The following THSD1 variants were observed in gnomAD, a reference collection of about 807,000 sequenced individuals.
THSD1 encodes thrombospondin type-1 domain-containing protein 1.
THSD1 carries 34 observed loss-of-function variants against 46.3 expected under a neutral mutation model. The ratio of observed to expected loss-of-function variants is 0.74; its 90% CI spans 0.56 to 0.98. The LOEUF is 0.98. Among genes scored for constraint, THSD1 ranks in the 50% least tolerant of loss-of-function variants. The pLI, the probability that THSD1 is intolerant of heterozygous loss-of-function variation, is 0.00. For missense variants in THSD1, 1,023 were observed against 1,058.3 expected (o/e 0.97, Z 0.46); for synonymous variants, 407 against 416.5 (o/e 0.98, Z 0.28).
intron 1 of THSD1, among the ~76,000 whole-genome samples, chr13:52,405,146 TG>T (rs1957897272): frequency 6.6e-6 from 1 of 152,226 alleles, no homozygotes; most frequent in African/African-American, 2.4e-5. Context: ...CTAGCATTCT[TG>T]TATGTAAACT....
rs1957728951 is a variant in THSD1, at chr13:52,386,159, C to T, written c.1049G>A (p.Ser350Asn). The T allele has an allele frequency of 1.9e-6, 3 of 1,614,172 alleles. No homozygotes were observed. Among genetic ancestry groups the T allele is most frequent in the Non-Finnish European group, 1.7e-6 (2 of 1,180,026 alleles). The change falls in exon 4 of 5, where the codon AGC (serine) becomes AAC (asparagine). Residue 350 changes from serine (S) to asparagine (N), a missense_variant. Ser to Asn is a conservative substitution (Grantham distance 46). Around this residue, in one of 3 missense-constraint regions of THSD1, gnomAD observed 429 missense variants for 518.3 expected, o/e 0.83. Coordinates refer to ENST00000258613, the MANE Select transcript of THSD1 (RefSeq NM_018676.4). ...ATCCCCACATGTGGCACTACACTGG[C>T]TCCATGGCTGCCACAGTCCCCAAGT... The part of the protein sequence containing the change: ...TETWGLWQPW[S>N]QCSATCGDGV...
chr13:52,385,367 C>G lies in THSD1; in HGVS notation c.1180+661G>C, dbSNP rs60864284. On this transcript the variant is annotated intron_variant, in intron 4 of 4. Coordinates refer to ENST00000258613, the MANE Select transcript of THSD1 (RefSeq NM_018676.4). ...GGTAAATGAACAGGATTTAGCTCCA[C>G]AAGCTGGGGCAAACCTAACTGAGCC... Among the ~76,000 whole-genome samples the G allele has an allele frequency of 8.9e-3, 1,353 of 152,326 alleles. 18 individuals are homozygous for G. The highest frequency in any genetic ancestry group is 0.031 in the African/African-American group (1,293 of 41,564).
intron 3 of THSD1, among the ~76,000 whole-genome samples, chr13:52,388,190 A>AT (rs1433551088): frequency 1.4e-4 from 21 of 150,032 alleles, no homozygotes; most frequent in Non-Finnish European, 1.8e-4. Flanking sequence ...GTAAAAAAAA[A>AT]AATATATATG....
At chr13:52,379,315 A>G (rs919650934) in intron 4 of THSD1, among the ~76,000 whole-genome samples, 2 of 152,200 alleles carry the variant, frequency 1.3e-5, no homozygotes, top group Non-Finnish European at 2.9e-5. Context: ...GCTGAAGCCA[A>G]ACAAGATCAC....
At chr13:52,396,278 C>T (rs981635556) in intron 3 of THSD1, among the ~76,000 whole-genome samples, 1 of 152,140 alleles carries the variant, frequency 6.6e-6, no homozygotes, top group Admixed American at 6.5e-5. Context: ...AATCCCAGCA[C>T]TTTGGGAGGC....
intron 3 of THSD1, among the ~76,000 whole-genome samples, chr13:52,394,677 A>G (rs932931222): frequency 1.3e-5 from 2 of 152,106 alleles, no homozygotes; most frequent in Admixed American, 1.3e-4. Context: ...TTTTTCTCCT[A>G]ATACCTAGTT....
At chr13:52,390,093 A>T (rs1475730897) in intron 3 of THSD1, among the ~76,000 whole-genome samples, 1 of 151,508 alleles carries the variant, frequency 6.6e-6, no homozygotes, top group Non-Finnish European at 1.5e-5. Flanking sequence ...GTAAGCCACG[A>T]TCACACCACT....
intron 3 of THSD1, among the ~76,000 whole-genome samples, chr13:52,389,040 A>G (rs1172643284): frequency 6.6e-6 from 1 of 151,234 alleles, no homozygotes; most frequent in East Asian, 1.9e-4. Context: ...GGCTCACTGC[A>G]ACCTCCACCT....
Position 52,378,766 on chromosome 13 carries a change from G to A in THSD1, c.1204C>T (p.Pro402Ser). 1 of 1,603,046 alleles carries A rather than the reference G, an allele frequency of 6.2e-7. No individual in the cohort carries two copies. Among genetic ancestry groups the A allele is most frequent in the Non-Finnish European group, 8.5e-7 (1 of 1,175,882 alleles). ...TTCACTGGACCCTGGGGCTGAAGAGGAGATGGGCTGGATGGCTGGAAAGCT... is the reference window on the plus strand; with the variant it reads ...TTCACTGGACCCTGGGGCTGAAGAGAAGATGGGCTGGATGGCTGGAAAGCT... ...CAAFQPSSPS[P>S]LQPQGPVKSN... The change falls in exon 5 of 5, where the codon CCT (proline) becomes TCT (serine). Residue 402 changes from proline (P) to serine (S), a missense_variant. Physicochemically the swap from Pro to Ser is moderately conservative, Grantham distance 74 (BLOSUM62 -1). Transcript: ENST00000258613.
chr13:52,402,890 G>C (rs1199571569), intron 1 of THSD1: 4 of 985,114 alleles, frequency 4.1e-6, no homozygotes, highest in Non-Finnish European at 4.8e-6. Context: ...GAATATGCAG[G>C]TATGCCCAAC....
At chr13:52,386,440 T>C (rs750496774) in intron 3 of THSD1, among the ~76,000 whole-genome samples, 1 of 152,026 alleles carries the variant, frequency 6.6e-6, no homozygotes, top group Non-Finnish European at 1.5e-5. Flanking sequence ...TGTGCTGCAA[T>C]AAAAGGAAAG....
intron 3 of THSD1, 51 bp from the exon 4 acceptor site, chr13:52,386,237 A>G (rs1337133060): frequency 6.4e-7 from 1 of 1,566,542 alleles, no homozygotes; most frequent in East Asian, 2.3e-5. Context: ...GAGAATCAGT[A>G]TTTAACTGCA....
intron 3 of THSD1, among the ~76,000 whole-genome samples, chr13:52,390,402 G>A (rs1957765060): frequency 6.6e-6 from 1 of 152,024 alleles, no homozygotes; most frequent in Non-Finnish European, 1.5e-5. Context: ...GTTCTTTACA[G>A]CAATTAAAAG....
rs376021921 is a variant in THSD1 at position 52,378,809 on chromosome 13, AAAAC to A, written c.1181-24_1181-21del. On this transcript the variant is annotated intron_variant, in intron 4 of 4. Transcript: ENST00000258613. ...GGAAAGCTGCAAAAAAAAACAAAAC[AAAAC>A]AAACAAACAAAAAACACAGAGGAAC... 231 of 1,545,294 alleles carry A rather than the reference AAAAC, an allele frequency of 1.5e-4. 3 individuals carry two copies. The highest frequency in any genetic ancestry group is 1.3e-3 in the South Asian group (111 of 82,732).
intron 4 of THSD1, among the ~76,000 whole-genome samples, chr13:52,385,465 T>C (rs9536050): frequency 0.072 from 10,906 of 152,206 alleles, 522 homozygotes; most frequent in African/African-American, 0.13. Context: ...GCCTTGAAGA[T>C]GCTTAGAAGA....
chr13:52,378,619 G>A lies in THSD1; in HGVS notation c.1351C>T (p.His451Tyr), dbSNP rs1330388198. 6.2e-7 allele frequency: 1 copy of A among 1,614,092 alleles called. No homozygotes were observed. The highest frequency in any genetic ancestry group is 8.5e-7 in the Non-Finnish European group (1 of 1,180,016). ...AAGCTGGGGGAGTGGATGGAGTTGT[G>A]TCGAGCAGGTGTGCTGCACTTGGCT... ...RPAKCSTPAR[H>Y]NSIHSPSFRK... The change falls in exon 5 of 5, where the codon CAC (histidine) becomes TAC (tyrosine). Residue 451 changes from histidine (H) to tyrosine (Y), a missense_variant. Physicochemically the swap from His to Tyr is moderately conservative, Grantham distance 83 (BLOSUM62 2). This residue lies in a region of THSD1 where 578 missense variants were observed against 497.4 expected (regional missense o/e 1.16). Coordinates refer to ENST00000258613, the MANE Select transcript of THSD1 (RefSeq NM_018676.4).
rs1332982092 is a variant in THSD1 at position 52,377,710 on chromosome 13, T to A, written c.2260A>T (p.Thr754Ser). 4 of 1,612,520 alleles carry A rather than the reference T, an allele frequency of 2.5e-6. No individual in the cohort carries two copies. The highest frequency in any genetic ancestry group is 3.4e-6 in the Non-Finnish European group (4 of 1,178,946). Reference protein sequence around the residue: ...QAGLVAGIERTEPHRARRGPS... With the variant: ...QAGLVAGIERSEPHRARRGPS... ...CCCCGACGAGCTCTGTGGGGCTCTG[T>A]TCTCTCAATTCCGGCCACTAATCCT... is the stretch of plus-strand genomic sequence containing the variant. The change falls in exon 5 of 5, where the codon ACA becomes TCA. Residue 754 changes from threonine (T) to serine (S), a missense_variant. Around this residue, in one of 3 missense-constraint regions of THSD1, gnomAD observed 578 missense variants for 497.4 expected, o/e 1.16. Coordinates refer to ENST00000258613, the MANE Select transcript of THSD1 (RefSeq NM_018676.4).
chr13:52,401,590 C>T (rs903096763), intron 2 of THSD1, among the ~76,000 whole-genome samples: 3 of 152,186 alleles, frequency 2.0e-5, no homozygotes, highest in African/African-American at 4.8e-5. Context: ...TGAGCCACCG[C>T]GCCCGGCCAA....
chr13:52,400,776 A>C (rs951541367), intron 2 of THSD1, among the ~76,000 whole-genome samples: 1 of 152,172 alleles, frequency 6.6e-6, no homozygotes, highest in African/African-American at 2.4e-5. Flanking sequence ...CTCAACCTCT[A>C]TGCTCTTTTT....
Sources: allele counts gnomAD v4.1 joint callset (sites outside exome capture counted in the v4.1 genomes callset), GRCh38; gene constraint gnomAD v4.1.1; regional missense constraint gnomAD v4.1.1; transcripts MANE v1.5; gene names NCBI Gene and HGNC (gene_info 2026-07-23, HGNC 2026-07-21).